The following GUCY1A2 variants were observed in gnomAD, a reference collection of about 807,000 sequenced individuals.
The protein encoded by GUCY1A2 is guanylate cyclase 1 soluble subunit alpha 2.
Under a neutral mutation model 63.5 loss-of-function variants are expected in GUCY1A2, and 27 were observed. The observed-to-expected ratio is 0.43, with a 90% CI of 0.31 to 0.59. The LOEUF (loss-of-function observed/expected upper bound fraction) is 0.59. Ranked by LOEUF, GUCY1A2 falls within the 20% of genes least tolerant of loss-of-function variation. The pLI, the probability that GUCY1A2 is intolerant of heterozygous loss-of-function variation, is 0.11. For missense variants in GUCY1A2, 768 were observed against 913.3 expected (o/e 0.84, Z 2.05); for synonymous variants, 364 against 343.5 (o/e 1.06, Z -0.66).
Position 106,725,242 on chromosome 11 carries a change from G to C in GUCY1A2, c.1837-16576C>G, listed in dbSNP as rs1174539367. ...GGCTGGAGTGCAGTGGCGGGATCTC[G>C]GCTCACTGGAGGCTCCGCCTCCCGG... is the stretch of plus-strand genomic sequence containing the variant. On this transcript the variant is annotated intron_variant, in intron 6 of 7. Transcript: ENST00000526355. 4.8e-5 allele frequency among the ~76,000 whole-genome samples: 2 copies of C among 41,306 alleles called. 1 individual carries two copies. 27.1% of individuals were successfully genotyped at this position (41,306 alleles called of 152,430 possible). A position where few individuals can be genotyped will look rare whatever the true frequency, so the allele number is the denominator to read the frequency against.
intron 6 of GUCY1A2, among the ~76,000 whole-genome samples, chr11:106,758,210 C>T (rs1864006611): frequency 6.6e-6 from 1 of 152,206 alleles, no homozygotes. Flanking sequence ...CTCCAGCATT[C>T]CAGGTTGATC....
At chr11:106,888,267 G>A (rs1469651465) in intron 4 of GUCY1A2, among the ~76,000 whole-genome samples, 1 of 151,602 alleles carries the variant, frequency 6.6e-6, no homozygotes, top group Non-Finnish European at 1.5e-5. Flanking sequence ...GACCATCCTG[G>A]CTAACACCGT....
chr11:106,746,641 G>C (rs1863792130), intron 6 of GUCY1A2: 1 of 1,581,286 alleles, frequency 6.3e-7, no homozygotes, highest in African/African-American at 1.3e-5. Flanking sequence ...CACTCCTCTG[G>C]GGCTTGAAAA....
At chr11:107,016,216 A>G (rs1166607117) in intron 1 of GUCY1A2, among the ~76,000 whole-genome samples, 1 of 152,246 alleles carries the variant, frequency 6.6e-6, no homozygotes, top group Non-Finnish European at 1.5e-5. Flanking sequence ...ATCAGTGTTC[A>G]GATTCATTTC....
intron 1 of GUCY1A2, among the ~76,000 whole-genome samples, chr11:106,987,022 A>G (rs1201193151): frequency 6.6e-6 from 1 of 152,208 alleles, no homozygotes; most frequent in Admixed American, 6.5e-5. Context: ...TAGAACCTAG[A>G]TGTTATTAGG....
At chr11:106,780,779 TAAGTA>T (rs1000420735) in intron 5 of GUCY1A2, among the ~76,000 whole-genome samples, 1 of 152,182 alleles carries the variant, frequency 6.6e-6, no homozygotes, top group African/African-American at 2.4e-5. Flanking sequence ...GCATATACAT[TAAGTA>T]AAGTGTATGT....
intron 5 of GUCY1A2, among the ~76,000 whole-genome samples, chr11:106,798,988 T>C (rs905793320): frequency 6.6e-6 from 1 of 152,212 alleles, no homozygotes; most frequent in African/African-American, 2.4e-5. Context: ...TGTTTGCAGA[T>C]GACATGATTG....
In GUCY1A2 at chr11:106,674,241, T is replaced by C. The variant is rs1862308802; in HGVS notation, c.*13308A>G. On this transcript the variant is annotated 3_prime_UTR_variant, in exon 8 of 8. Coordinates refer to ENST00000526355, the MANE Select transcript of GUCY1A2 (RefSeq NM_000855.3). Reference sequence around the variant, plus strand: ...TCTGCAGTCTGTAAATGCAAAGACATTTTACATCATGAAACATGCTATTTA... The same window carrying C: ...TCTGCAGTCTGTAAATGCAAAGACACTTTACATCATGAAACATGCTATTTA... The C allele has an allele frequency of 1.1e-5, 2 of 184,974 alleles. No individual in the cohort carries two copies. Among genetic ancestry groups the C allele is most frequent in the Non-Finnish European group, 2.3e-5 (2 of 87,188 alleles). 11.5% of individuals were successfully genotyped at this position (184,974 alleles called of 1,614,324 possible).
At chr11:106,731,267 G>A (rs909628323) in intron 6 of GUCY1A2, among the ~76,000 whole-genome samples, 2 of 151,962 alleles carry the variant, frequency 1.3e-5, no homozygotes, top group Non-Finnish European at 2.9e-5. Flanking sequence ...ATCACCTAAA[G>A]AGAACTAAAA....
rs1367520250 is a variant in GUCY1A2, at chr11:106,810,297, T to C, written c.1388A>G (p.Asp463Gly). Reference protein sequence around the residue: ...ILVGEQAKAQDGLKKRMDKLK... With the variant: ...ILVGEQAKAQGGLKKRMDKLK... ...TTTATCCATCCTTTTCTTCAACCCA[T>C]CTTGGGCCTTTGCCTGCTCACCAAC... Residue 463 changes from aspartate (D) to glycine (G), a missense_variant, in exon 5 of 8, where the codon GAT becomes GGT. Around this residue, in one of 3 missense-constraint regions of GUCY1A2, gnomAD observed 122 missense variants for 238.1 expected, o/e 0.51. Coordinates refer to ENST00000526355, the MANE Select transcript of GUCY1A2 (RefSeq NM_000855.3). 6.2e-7 allele frequency: 1 copy of C among 1,613,926 alleles called. No individual in the cohort carries two copies. The highest frequency in any genetic ancestry group is 1.7e-5 in the Admixed American group (1 of 59,944).
chr11:106,967,064 C>T (rs6588940), intron 3 of GUCY1A2, among the ~76,000 whole-genome samples: 94,041 of 151,866 alleles, frequency 0.62, 30,012 homozygotes, highest in East Asian at 0.72. Context: ...GAATGAAAAG[C>T]AGAAAAATTA....
At chr11:106,895,002 T>C (rs1302268102) in intron 4 of GUCY1A2, among the ~76,000 whole-genome samples, 1 of 152,110 alleles carries the variant, frequency 6.6e-6, no homozygotes, top group Non-Finnish European at 1.5e-5. Context: ...CTAATAAGCC[T>C]CTAGCCAGGC....
chr11:106,927,244 G>T (rs1011522755), intron 4 of GUCY1A2, among the ~76,000 whole-genome samples: 2 of 151,370 alleles, frequency 1.3e-5, no homozygotes, highest in Admixed American at 1.3e-4. Flanking sequence ...GTGGTGGCGG[G>T]CGCCTGTAGT....
intron 1 of GUCY1A2, among the ~76,000 whole-genome samples, chr11:107,012,243 T>G (rs2120213703): frequency 7.1e-6 from 1 of 140,400 alleles, no homozygotes; most frequent in Middle Eastern, 3.6e-3. Context: ...GCCGACAAAA[T>G]ACAGTGCTTC....
At position 107,002,667 on chromosome 11, in the gene GUCY1A2, G is replaced by T. The variant is rs571524203; in HGVS notation, c.303+15086C>A. 2.2e-3 allele frequency among the ~76,000 whole-genome samples: 335 copies of T among 152,262 alleles called. 1 individual carries two copies. The highest frequency in any genetic ancestry group is 7.6e-3 in the African/African-American group (317 of 41,544). On this transcript the variant is annotated intron_variant, in intron 1 of 7. Transcript: ENST00000526355. Reference sequence around the variant, plus strand: ...TGAAATAATGTACTCTCCATGACTTGAGTAAAATTACTGAAGGATGAATTA... The same window carrying T: ...TGAAATAATGTACTCTCCATGACTTTAGTAAAATTACTGAAGGATGAATTA...
In GUCY1A2 at chr11:106,932,790, C is replaced by G. The variant is rs187130738; in HGVS notation, c.1206+6670G>C. ...GAAACAGACACATAAACCAGTGGAA[C>G]AGAATAGAAAACCCAGAAATAAAGC... On this transcript the variant is annotated intron_variant, in intron 4 of 7. Coordinates refer to ENST00000526355, the MANE Select transcript of GUCY1A2 (RefSeq NM_000855.3). Among the ~76,000 whole-genome samples, 151 of 152,106 alleles carry G rather than the reference C, an allele frequency of 9.9e-4. 2 individuals carry two copies. The highest frequency in any genetic ancestry group is 3.3e-3 in the African/African-American group (136 of 41,516).
intron 4 of GUCY1A2, among the ~76,000 whole-genome samples, chr11:106,907,819 G>A (rs1860234492): frequency 1.3e-5 from 2 of 152,054 alleles, no homozygotes; most frequent in South Asian, 4.2e-4. Context: ...TGGACATTTG[G>A]GTTGGTTCCA....
At chr11:106,698,138 T>TTTTTTTTTTTTTTTTTTTTTTTTTTA (rs1555020237) in intron 7 of GUCY1A2, among the ~76,000 whole-genome samples, 5 of 145,754 alleles carry the variant, frequency 3.4e-5, no homozygotes, top group Admixed American at 6.8e-5. Flanking sequence ...TTTTTTTTTT[T>TTTTTTTTTTTTTTTTTTTTTTTTTTA]AGACAGGGTC....
rs1270013620 is a variant in GUCY1A2, at chr11:106,708,505, C to T, written c.1991+7G>A. On this transcript the variant is annotated splice_region_variant and intron_variant, in intron 7 of 7. Transcript: ENST00000526355. ...AGACAGGAAGGAGGAGGCCAGAGAA[C>T]ACTTACTGGTAAGTGGTTGGGCTGA... The T allele has an allele frequency of 1.9e-6, 3 of 1,607,744 alleles. No individual in the cohort carries two copies. Among genetic ancestry groups the T allele is most frequent in the Non-Finnish European group, 2.6e-6 (3 of 1,176,114 alleles).
Sources: gnomAD v4.1 joint callset for allele counts (sites outside exome capture counted in the v4.1 genomes callset) on GRCh38, gnomAD v4.1.1 for gene constraint, gnomAD v4.1.1 regional missense constraint, MANE v1.5 for transcripts, NCBI Gene and HGNC (gene_info 2026-07-23, HGNC 2026-07-21) for gene names.